The following RORB variants were observed in gnomAD, a reference collection of about 807,000 sequenced individuals.
RORB encodes the protein nuclear receptor ROR-beta.
RORB carries 6 observed loss-of-function variants against 59.1 expected under a neutral mutation model. That is an observed-to-expected ratio of 0.10 (90% CI 0.06 to 0.20). The LOEUF (loss-of-function observed/expected upper bound fraction) is 0.20, where lower values mean the gene tolerates loss of function less well. Ranked by LOEUF, RORB falls within the 10% of genes least tolerant of loss-of-function variation. RORB has a pLI of 1.00. For synonymous variants in RORB, 215 were observed against 204.5 expected, an observed-to-expected ratio of 1.05 and a Z score of -0.44; for missense variants, 320 against 560.5, an observed-to-expected ratio of 0.57 and a Z score of 4.33.
chr9:74,591,028 C>T (rs1193179607), intron 1 of RORB, among the ~76,000 whole-genome samples: 1 of 152,196 alleles, frequency 6.6e-6, no homozygotes, highest in African/African-American at 2.4e-5. Flanking sequence ...ATCTCCTGAC[C>T]TCGTGATCCA....
intron 1 of RORB, among the ~76,000 whole-genome samples, chr9:74,590,779 G>C (rs537026936): frequency 6.6e-6 from 1 of 151,470 alleles, no homozygotes; most frequent in Non-Finnish European, 1.5e-5. Flanking sequence ...TTTTTGTTTT[G>C]TTTTGTTTTG....
chr9:74,597,972 T>A (rs986251534), intron 1 of RORB, among the ~76,000 whole-genome samples: 1 of 151,738 alleles, frequency 6.6e-6, no homozygotes, highest in East Asian at 1.9e-4. Flanking sequence ...AAAAAAAAAA[T>A]TATATTGGTT....
At chr9:74,652,082 G>A (rs1276941126) in intron 4 of RORB, among the ~76,000 whole-genome samples, 6 of 152,144 alleles carry the variant, frequency 3.9e-5, no homozygotes, top group Admixed American at 3.9e-4. Context: ...TGCTATGTAG[G>A]TTCTTTCAGC....
chr9:74,586,156 A>G (rs1822795921), intron 1 of RORB, among the ~76,000 whole-genome samples: 1 of 152,120 alleles, frequency 6.6e-6, no homozygotes, highest in Non-Finnish European at 1.5e-5. Context: ...AATGACCTAC[A>G]GATGTTAATG....
At chr9:74,641,604 T>G (rs1823806085) in intron 3 of RORB, among the ~76,000 whole-genome samples, 1 of 152,080 alleles carries the variant, frequency 6.6e-6, no homozygotes, top group Non-Finnish European at 1.5e-5. Flanking sequence ...AACACACTAT[T>G]TAGAAAATCG....
In RORB at chr9:74,671,772, A is replaced by G. The variant is rs758916307; in HGVS notation, c.1112-17A>G. On this transcript the variant is annotated splice_polypyrimidine_tract_variant and intron_variant, in intron 8 of 9. Coordinates refer to ENST00000376896, the MANE Select transcript of RORB (RefSeq NM_006914.4). ...AAGTTGATGTTCCCTCCACTTACCC[A>G]CTCTTTCTTTCATCAGACCGAGCCT... 1.3e-6 allele frequency: 2 copies of G among 1,542,652 alleles called. No individual in the cohort carries two copies. Among genetic ancestry groups the G allele is most frequent in the African/African-American group, 2.7e-5 (2 of 73,030 alleles).
In RORB at chr9:74,559,444, G is replaced by A. The variant is rs190787740; in HGVS notation, c.7+61461G>A. On this transcript the variant is annotated intron_variant, in intron 1 of 9. Coordinates refer to ENST00000376896, the MANE Select transcript of RORB (RefSeq NM_006914.4). ...GGAGTTACTGGATGACAACTCCCTCGACCCAGACCCATGAAACCCATTTCA... is the reference window on the plus strand; with the variant it reads ...GGAGTTACTGGATGACAACTCCCTCAACCCAGACCCATGAAACCCATTTCA... Among the ~76,000 whole-genome samples, 6 of 152,112 alleles carry A rather than the reference G, an allele frequency of 3.9e-5. No homozygotes were observed. In the East Asian group the frequency reaches 7.7e-4, roughly 20 times the overall value.
intron 1 of RORB, among the ~76,000 whole-genome samples, chr9:74,621,680 G>A (rs904056105): frequency 2.0e-5 from 3 of 152,140 alleles, no homozygotes; most frequent in African/African-American, 7.2e-5. Flanking sequence ...TTCCAAAGTG[G>A]GTGTACCATT....
At chr9:74,536,934 T>C (rs1441641051) in intron 1 of RORB, among the ~76,000 whole-genome samples, 1 of 152,040 alleles carries the variant, frequency 6.6e-6, no homozygotes, top group East Asian at 1.9e-4. Context: ...TTCTCTCTTA[T>C]ATTAATATCG....
At chr9:74,642,874 G>T (rs1823835322) in intron 4 of RORB, 59 bp downstream of exon 4, 11 of 1,322,858 alleles carry the variant, frequency 8.3e-6, no homozygotes, top group African/African-American at 1.5e-5. Context: ...ATTTACCTTG[G>T]TCCTATTTAG....
intron 1 of RORB, among the ~76,000 whole-genome samples, chr9:74,584,834 G>A (rs2118267285): frequency 6.6e-6 from 1 of 152,356 alleles, no homozygotes; most frequent in South Asian, 2.1e-4. Flanking sequence ...GAGTCTGGGA[G>A]CTGCCTTTAG....
chr9:74,531,218 A>G (rs1826232923), intron 1 of RORB, among the ~76,000 whole-genome samples: 1 of 151,960 alleles, frequency 6.6e-6, no homozygotes, highest in Admixed American at 6.6e-5. Context: ...TGGCCTAAAC[A>G]CTGGGATTTC....
intron 1 of RORB, among the ~76,000 whole-genome samples, chr9:74,507,296 C>T (rs1318096575): frequency 1.3e-5 from 2 of 152,008 alleles, no homozygotes; most frequent in African/African-American, 4.8e-5. Context: ...CAGTAAACTG[C>T]TATTTTGGTT....
chr9:74,538,052 T>A (rs1826348065), intron 1 of RORB, among the ~76,000 whole-genome samples: 1 of 152,112 alleles, frequency 6.6e-6, no homozygotes, highest in Non-Finnish European at 1.5e-5. Flanking sequence ...ATTTTTACTA[T>A]ACCTTTTCTA....
At chr9:74,609,803 G>C (rs1338911655) in intron 1 of RORB, among the ~76,000 whole-genome samples, 1 of 152,130 alleles carries the variant, frequency 6.6e-6, no homozygotes, top group Non-Finnish European at 1.5e-5. Context: ...CTAGAACAGT[G>C]GTTGTCAACT....
At position 74,593,479 on chromosome 9, in the gene RORB, A is replaced by C. The variant is rs573417573; in HGVS notation, c.8-36803A>C. Among the ~76,000 whole-genome samples the C allele has an allele frequency of 1.6e-3, 237 of 151,988 alleles. 1 individual carries two copies. Among genetic ancestry groups the C allele is most frequent in the African/African-American group, 4.9e-3 (202 of 41,486 alleles). On this transcript the variant is annotated intron_variant, in intron 1 of 9. Coordinates refer to ENST00000376896, the MANE Select transcript of RORB (RefSeq NM_006914.4). ...TCAAACTCCATCTAAAAAAAAAAAA[A>C]AAAAACAAAAGAGGAAGAAGAACTT... is the stretch of plus-strand genomic sequence containing the variant.
rs1826559438 is a variant in RORB, at chr9:74,549,526, AGGGAGGGAGGG to A, written c.7+51544_7+51554del. ...AGAAAGAAAGGGAAAGAAGGGAGGG[AGGGAGGGAGGG>A]AGGGAGGGAGGGAAGGAAGGAAGGA... On this transcript the variant is annotated intron_variant, in intron 1 of 9. Coordinates refer to ENST00000376896, the MANE Select transcript of RORB (RefSeq NM_006914.4). Among the ~76,000 whole-genome samples the A allele has an allele frequency of 1.4e-4, 7 of 50,744 alleles. 1 individual carries two copies. The highest frequency in any genetic ancestry group is 5.2e-4 in the African/African-American group (6 of 11,632). 33.3% of individuals were successfully genotyped at this position (50,744 alleles called of 152,430 possible). A position where few individuals can be genotyped will look rare whatever the true frequency, so the allele number is the denominator to read the frequency against.
chr9:74,680,654 C>T (rs1824532451), intron 9 of RORB, among the ~76,000 whole-genome samples: 1 of 152,044 alleles, frequency 6.6e-6, no homozygotes, highest in Admixed American at 6.6e-5. Context: ...TTTGACTCAA[C>T]AGAAACCAAA....
chr9:74,543,820 T>A (rs560408375), intron 1 of RORB, among the ~76,000 whole-genome samples: 43 of 152,118 alleles, frequency 2.8e-4, no homozygotes, highest in Admixed American at 9.2e-4. Context: ...GAAATTAATA[T>A]CACTTCATCA....
Sources: allele counts gnomAD v4.1 joint callset (sites outside exome capture counted in the v4.1 genomes callset), GRCh38; gene constraint gnomAD v4.1.1; transcripts MANE v1.5; gene names NCBI Gene and HGNC (gene_info 2026-07-23, HGNC 2026-07-21).